DISP1: variants seen among roughly 807,000 people sequenced by gnomAD.
DISP1 encodes the protein dispatched RND transporter family member 1, also known as protein dispatched homolog 1.
In DISP1, 30 loss-of-function variants were observed where a neutral mutation model predicts 37.3. That is an observed-to-expected ratio of 0.80 (90% CI 0.60 to 1.09). DISP1 has a LOEUF of 1.09. Ranked by LOEUF, DISP1 falls within the 50% of genes least tolerant of loss-of-function variation. The pLI is 0.00. For missense variants in DISP1, 1,598 were observed against 1,879.5 expected (o/e 0.85, Z 2.77); for synonymous variants, 634 against 690.2 (o/e 0.92, Z 1.28).
chr1:222,982,828 G>T (rs1394673014), intron 3 of DISP1, among the ~76,000 whole-genome samples: 1 of 152,122 alleles, frequency 6.6e-6, no homozygotes, highest in Non-Finnish European at 1.5e-5. Context: ...ATCAGGAGAG[G>T]GTGATACGGA....
chr1:222,903,792 A>G (rs1352197715), intron 1 of DISP1, among the ~76,000 whole-genome samples: 1 of 152,190 alleles, frequency 6.6e-6, no homozygotes, highest in Non-Finnish European at 1.5e-5. Flanking sequence ...TCTAAATTCT[A>G]TATGTATCAG....
At chr1:222,926,372 T>C (rs1673085293) in intron 1 of DISP1, among the ~76,000 whole-genome samples, 1 of 152,250 alleles carries the variant, frequency 6.6e-6, no homozygotes, top group Non-Finnish European at 1.5e-5. Context: ...AATAAGGCAC[T>C]ATGAATATTC....
At chr1:222,959,606 A>C (rs1222290104) in intron 3 of DISP1, among the ~76,000 whole-genome samples, 2 of 151,398 alleles carry the variant, frequency 1.3e-5, no homozygotes, top group African/African-American at 4.8e-5. Flanking sequence ...AGGCTGAGGC[A>C]GGAGAATTAC....
chr1:222,909,999 T>G (rs559257463), intron 1 of DISP1, among the ~76,000 whole-genome samples: 1 of 152,276 alleles, frequency 6.6e-6, no homozygotes, highest in African/African-American at 2.4e-5. Flanking sequence ...AAAAACACAG[T>G]TTAGTGACCA....
At chr1:222,850,799 A>G (rs1668187458) in intron 1 of DISP1, among the ~76,000 whole-genome samples, 1 of 152,124 alleles carries the variant, frequency 6.6e-6, no homozygotes. Context: ...TGCATAATAA[A>G]TGTAGTACAT....
chr1:222,955,189 T>A (rs1279387585), intron 3 of DISP1, among the ~76,000 whole-genome samples: 2 of 151,922 alleles, frequency 1.3e-5, no homozygotes, highest in Non-Finnish European at 2.9e-5. Context: ...TGAGTTCATG[T>A]GATTCTCCTG....
intron 1 of DISP1, among the ~76,000 whole-genome samples, chr1:222,819,614 A>G (rs61838112): frequency 0.2 from 28,289 of 144,734 alleles, 3,276 homozygotes; most frequent in Non-Finnish European, 0.24. Context: ...ATCTCAGCTC[A>G]CTGCAAGCTC....
intron 8 of DISP1, 40 bp from the exon 9 acceptor site, chr1:223,002,345 A>T: frequency 6.3e-7 from 1 of 1,587,258 alleles, no homozygotes; most frequent in Non-Finnish European, 8.6e-7. Flanking sequence ...TTGTGAACCA[A>T]TTTAAACTGT....
At chr1:222,824,291 A>T (rs1009418139) in intron 1 of DISP1, among the ~76,000 whole-genome samples, 2 of 152,182 alleles carry the variant, frequency 1.3e-5, no homozygotes, top group African/African-American at 4.8e-5. Flanking sequence ...CAGACACTGC[A>T]GTGAGCATTT....
rs190312126 is a variant in DISP1 at position 222,861,155 on chromosome 1, T to A, written c.-159+46077T>A. 3.8e-3 allele frequency among the ~76,000 whole-genome samples: 580 copies of A among 152,276 alleles called. 3 individuals are homozygous for A. Among genetic ancestry groups the A allele is most frequent in the African/African-American group, 0.013 (532 of 41,546 alleles). ...TCTATTTCCTTTGCCGACTCACCTC[T>A]CTTTGGAATTGATGTGTTCTTCAGA... On this transcript the variant is annotated intron_variant, in intron 1 of 8. Coordinates refer to ENST00000675850, the MANE Select transcript of DISP1 (RefSeq NM_001377229.1).
chr1:222,845,115 G>T (rs1404366561), intron 1 of DISP1, among the ~76,000 whole-genome samples: 1 of 152,174 alleles, frequency 6.6e-6, no homozygotes, highest in Non-Finnish European at 1.5e-5. Flanking sequence ...AAAATATTAG[G>T]TTGGTGCAAA....
chr1:222,994,156 C>T (rs897190967), intron 7 of DISP1, among the ~76,000 whole-genome samples: 1 of 152,132 alleles, frequency 6.6e-6, no homozygotes, highest in Non-Finnish European at 1.5e-5. Flanking sequence ...ATAGATATTG[C>T]TGTCTGCATT....
chr1:222,880,408 A>C (rs1202122072), intron 1 of DISP1, among the ~76,000 whole-genome samples: 2 of 152,156 alleles, frequency 1.3e-5, no homozygotes, highest in Non-Finnish European at 2.9e-5. Flanking sequence ...TGTAATCAGA[A>C]AGTACGTGAA....
chr1:222,875,759 G>A (rs1465611072), intron 1 of DISP1, among the ~76,000 whole-genome samples: 1 of 151,130 alleles, frequency 6.6e-6, no homozygotes, highest in Non-Finnish European at 1.5e-5. Flanking sequence ...CCCAGGAGGT[G>A]GAGGTTGCAG....
At chr1:222,824,995 A>G (rs1663960013) in intron 1 of DISP1, among the ~76,000 whole-genome samples, 1 of 152,218 alleles carries the variant, frequency 6.6e-6, no homozygotes. Flanking sequence ...TTAAACCTAG[A>G]TAAAAAGGCT....
At chr1:222,910,354 C>T (rs1672142445) in intron 1 of DISP1, among the ~76,000 whole-genome samples, 1 of 151,982 alleles carries the variant, frequency 6.6e-6, no homozygotes, top group African/African-American at 2.4e-5. Context: ...CGGAGTAAGA[C>T]CCTGTCTCCA....
intron 1 of DISP1, among the ~76,000 whole-genome samples, chr1:222,816,600 A>C (rs1456696213): frequency 6.6e-6 from 1 of 152,210 alleles, no homozygotes; most frequent in East Asian, 1.9e-4. Flanking sequence ...TTTTATATTT[A>C]TTGGTACTGC....
chr1:222,992,935 T>C (rs1856536), intron 7 of DISP1, among the ~76,000 whole-genome samples: 145,753 of 149,092 alleles, frequency 0.98, 71,327 homozygotes, highest in East Asian at 1. Flanking sequence ...AATCTTGTCT[T>C]ACCACAACCT....
intron 1 of DISP1, among the ~76,000 whole-genome samples, chr1:222,861,959 G>C (rs1668902433): frequency 6.6e-6 from 1 of 152,020 alleles, no homozygotes; most frequent in Non-Finnish European, 1.5e-5. Context: ...TTTTTCTCAC[G>C]AAGACATTGG....
Sources: gnomAD v4.1 joint callset for allele counts (sites outside exome capture counted in the v4.1 genomes callset) on GRCh38, gnomAD v4.1.1 for gene constraint, MANE v1.5 for transcripts, NCBI Gene and HGNC (gene_info 2026-07-23, HGNC 2026-07-21) for gene names.